The following CACNA2D3 variants were observed in gnomAD, a reference collection of about 807,000 sequenced individuals.
The protein encoded by CACNA2D3 is voltage-dependent calcium channel subunit alpha-2/delta-3.
Under a neutral mutation model 160.6 loss-of-function variants are expected in CACNA2D3, and 60 were observed. That is an observed-to-expected ratio of 0.37 (90% CI 0.30 to 0.46). The LOEUF is 0.46. Ranked by LOEUF, CACNA2D3 falls within the 20% of genes least tolerant of loss-of-function variation. CACNA2D3 has a pLI of 1.00. For synonymous variants in CACNA2D3, 558 were observed against 492.9 expected (o/e 1.13, Z -1.75); for missense variants, 1,205 against 1,365.0 (o/e 0.88, Z 1.85).
intron 35 of CACNA2D3, among the ~76,000 whole-genome samples, chr3:55,053,090 G>A (rs1289793036): frequency 6.6e-6 from 1 of 151,982 alleles, no homozygotes; most frequent in Non-Finnish European, 1.5e-5. Context: ...CCACAAACAA[G>A]TATGAGTATA....
chr3:54,985,040 G>T (rs940760892), intron 30 of CACNA2D3, among the ~76,000 whole-genome samples: 2 of 152,092 alleles, frequency 1.3e-5, no homozygotes, highest in African/African-American at 4.8e-5. Flanking sequence ...TTTTCCTTCC[G>T]ATATTTCATC....
rs569064598 is a variant in CACNA2D3, at chr3:54,838,731, AC to A, written c.1551+84del. On this transcript the variant is annotated intron_variant, in intron 16 of 37. Transcript: ENST00000474759. ...TCACAAAGTTCAGGCTTCAAACTCT[AC>A]TTTGGAGCGATGTTTTTGCTCACCA... 1,981 of 1,015,890 alleles carry A rather than the reference AC, an allele frequency of 2.0e-3. 5 individuals are homozygous for A. Among genetic ancestry groups the A allele is most frequent in the Admixed American group, 2.4e-3 (137 of 57,298 alleles). 62.9% of individuals were successfully genotyped at this position (1,015,890 alleles called of 1,614,324 possible).
chr3:54,273,710 G>A (rs555553807), intron 2 of CACNA2D3, among the ~76,000 whole-genome samples: 22 of 152,194 alleles, frequency 1.4e-4, no homozygotes, highest in Non-Finnish European at 2.6e-4. Flanking sequence ...TCCATCTGGC[G>A]ACCGTTCTCG....
At chr3:55,041,058 T>C (rs1030582281) in intron 35 of CACNA2D3, among the ~76,000 whole-genome samples, 1 of 152,220 alleles carries the variant, frequency 6.6e-6, no homozygotes, top group African/African-American at 2.4e-5. Context: ...CCTTTCTTCA[T>C]ATTATATTAT....
intron 5 of CACNA2D3, among the ~76,000 whole-genome samples, chr3:54,543,610 C>G (rs368497592): frequency 6.6e-6 from 1 of 152,184 alleles, no homozygotes; most frequent in Non-Finnish European, 1.5e-5. Context: ...GGCTTGGCCT[C>G]TCTCCCTGTT....
At chr3:54,551,238 A>G (rs1474420874) in intron 5 of CACNA2D3, among the ~76,000 whole-genome samples, 1 of 152,198 alleles carries the variant, frequency 6.6e-6, no homozygotes, top group Non-Finnish European at 1.5e-5. Flanking sequence ...CGTTCTGCAG[A>G]TTCCATTTTA....
chr3:54,918,993 A>T, intron 27 of CACNA2D3: 3 of 906,758 alleles, frequency 3.3e-6, no homozygotes, highest in Non-Finnish European at 1.5e-6. Context: ...TTTATGAAGT[A>T]CCTTTTTTTT....
rs113589099 is a variant in CACNA2D3 at position 54,815,848 on chromosome 3, A to G, written c.1381-1005A>G. Among the ~76,000 whole-genome samples, 5 of 152,336 alleles carry G rather than the reference A, an allele frequency of 3.3e-5. 1 individual carries two copies. Among genetic ancestry groups the G allele is most frequent in the African/African-American group, 1.2e-4 (5 of 41,576 alleles). On this transcript the variant is annotated intron_variant, in intron 13 of 37. Transcript: ENST00000474759. Reference sequence around the variant, plus strand: ...TCACACTCGATAAATGTTAGTCCCTATGTTGAGAAGTAAATCTTCGTAATG... The same window carrying G: ...TCACACTCGATAAATGTTAGTCCCTGTGTTGAGAAGTAAATCTTCGTAATG...
Position 54,616,709 on chromosome 3 carries a change from T to G in CACNA2D3, c.964-11078T>G, listed in dbSNP as rs183384987. On this transcript the variant is annotated intron_variant, in intron 9 of 37. Coordinates refer to ENST00000474759, the MANE Select transcript of CACNA2D3 (RefSeq NM_018398.3). ...TTAAAATTTTCTAATATAAAAAGTT[T>G]CTGGCAAAAAAACTTTTTTAGAGAC... is the stretch of plus-strand genomic sequence containing the variant. Among the ~76,000 whole-genome samples the G allele has an allele frequency of 1.4e-3, 207 of 152,288 alleles. 1 individual carries two copies. Among genetic ancestry groups the G allele is most frequent in the African/African-American group, 4.7e-3 (196 of 41,560 alleles).
chr3:54,453,805 A>G (rs950094140), intron 4 of CACNA2D3, among the ~76,000 whole-genome samples: 2 of 152,180 alleles, frequency 1.3e-5, no homozygotes, highest in East Asian at 3.8e-4. Flanking sequence ...TATTTGCACA[A>G]AAGTCCTGGG....
At chr3:54,300,123 A>T (rs1384158046) in intron 2 of CACNA2D3, among the ~76,000 whole-genome samples, 1 of 152,234 alleles carries the variant, frequency 6.6e-6, no homozygotes, top group East Asian at 1.9e-4. Flanking sequence ...AAACAGGGGA[A>T]GTTCTTTCTT....
chr3:54,382,288 T>G (rs1699116081), intron 3 of CACNA2D3, among the ~76,000 whole-genome samples: 1 of 152,192 alleles, frequency 6.6e-6, no homozygotes, highest in Admixed American at 6.5e-5. Context: ...AACTAAAATA[T>G]TAGCAAATTT....
chr3:54,168,887 G>A (rs1269593487), intron 2 of CACNA2D3, among the ~76,000 whole-genome samples: 1 of 152,218 alleles, frequency 6.6e-6, no homozygotes, highest in Non-Finnish European at 1.5e-5. Context: ...CAGGGGTTCT[G>A]TTCTGAACTC....
chr3:54,278,261 A>G (rs918154638), intron 2 of CACNA2D3, among the ~76,000 whole-genome samples: 2 of 152,260 alleles, frequency 1.3e-5, no homozygotes, highest in Non-Finnish European at 2.9e-5. Context: ...ACTGGTCATT[A>G]GAGAAATGCA....
intron 2 of CACNA2D3, among the ~76,000 whole-genome samples, chr3:54,309,250 A>G (rs1204201581): frequency 6.6e-6 from 1 of 152,238 alleles, no homozygotes; most frequent in East Asian, 1.9e-4. Flanking sequence ...GCCCCCATAC[A>G]AGGGCACGGA....
intron 4 of CACNA2D3, among the ~76,000 whole-genome samples, chr3:54,494,210 A>G (rs1385659016): frequency 6.6e-6 from 1 of 152,248 alleles, no homozygotes; most frequent in African/African-American, 2.4e-5. Flanking sequence ...CTTTTCCTGC[A>G]TTGATCATAT....
chr3:54,490,610 A>G (rs1351225292), intron 4 of CACNA2D3, among the ~76,000 whole-genome samples: 2 of 152,182 alleles, frequency 1.3e-5, no homozygotes, highest in African/African-American at 2.4e-5. Flanking sequence ...ACCTCTGGGC[A>G]CTGTGCCTGG....
intron 14 of CACNA2D3, among the ~76,000 whole-genome samples, chr3:54,824,775 A>G (rs568329104): frequency 9.7e-4 from 147 of 152,302 alleles, no homozygotes; most frequent in Middle Eastern, 3.4e-3. Flanking sequence ...CACATGCTCA[A>G]TGAGGGGTAG....
intron 2 of CACNA2D3, among the ~76,000 whole-genome samples, chr3:54,262,033 G>T (rs1041500762): frequency 1.3e-5 from 2 of 152,122 alleles, no homozygotes; most frequent in Non-Finnish European, 2.9e-5. Flanking sequence ...TAGGGGTTTT[G>T]GGGGAGGGAG....
Sources: allele counts gnomAD v4.1 joint callset (sites outside exome capture counted in the v4.1 genomes callset), GRCh38; gene constraint gnomAD v4.1.1; transcripts MANE v1.5; gene names NCBI Gene and HGNC (gene_info 2026-07-23, HGNC 2026-07-21).